Variants in B3GALT5 observed in about 807,000 individuals in gnomAD.
B3GALT5 encodes the protein UDP-Gal:betaGlcNAc beta 1,3-galactosyltransferase, polypeptide 5.
For missense variants in B3GALT5, 328 were observed against 396.6 expected (o/e 0.83, Z 1.47); for synonymous variants, 156 against 158.6 (o/e 0.98, Z 0.12).
intron 2 of B3GALT5, among the ~76,000 whole-genome samples, chr21:39,655,334 A>G (rs912545689): frequency 1.1e-4 from 17 of 152,220 alleles, no homozygotes; most frequent in African/African-American, 3.6e-4. Flanking sequence ...TGACCCAGAA[A>G]AGCTGGCACA....
At chr21:39,615,085 C>A (rs552896195) in intron 1 of B3GALT5, among the ~76,000 whole-genome samples, 5 of 152,342 alleles carry the variant, frequency 3.3e-5, no homozygotes, top group African/African-American at 1.2e-4. Flanking sequence ...CATTGCTCTT[C>A]TGTCGACCTT....
chr21:39,652,198 G>A (rs895605150), intron 2 of B3GALT5, among the ~76,000 whole-genome samples: 2 of 152,230 alleles, frequency 1.3e-5, no homozygotes, highest in Non-Finnish European at 2.9e-5. Flanking sequence ...TGACCTGGAT[G>A]TGAGTGGTGA....
rs2146219521 is a variant in B3GALT5 at position 39,660,746 on chromosome 21, G to T, written c.187G>T (p.Val63Leu). The change falls in exon 4 of 4, where the codon GTG becomes TTG. Residue 63 changes from valine to leucine, a missense_variant. By Grantham distance (32) the Val-to-Leu change is conservative. Transcript: ENST00000684187. ...RQTPPFLVLLVTSSHKQLAER... is the reference protein window; with the variant it reads ...RQTPPFLVLLLTSSHKQLAER... ...GACACCTCCCTTCCTCGTCCTGCTG[G>T]TGACCTCATCCCACAAACAGTTGGC... The T allele has an allele frequency of 6.5e-7, 1 of 1,547,878 alleles. No homozygotes were observed. The highest frequency in any genetic ancestry group is 1.3e-5 in the South Asian group (1 of 79,200).
intron 2 of B3GALT5, among the ~76,000 whole-genome samples, chr21:39,654,972 G>T (rs1378198902): frequency 6.6e-6 from 1 of 152,146 alleles, no homozygotes; most frequent in Non-Finnish European, 1.5e-5. Flanking sequence ...TTGCTTTATT[G>T]CAGTAGTCTG....
At chr21:39,654,864 T>C (rs1335704589) in intron 2 of B3GALT5, among the ~76,000 whole-genome samples, 2 of 152,228 alleles carry the variant, frequency 1.3e-5, no homozygotes, top group Non-Finnish European at 2.9e-5. Flanking sequence ...ATGTTATTTT[T>C]TAGGCATAAT....
chr21:39,612,950 T>C lies in B3GALT5; in HGVS notation c.-509T>C, dbSNP rs1371026080. Reference sequence around the variant, plus strand: ...GCGGGGAGCAAAACCATCCTCGGCCTGGACCCAGCGCCTCCGGGGACCGGC... The same window carrying C: ...GCGGGGAGCAAAACCATCCTCGGCCCGGACCCAGCGCCTCCGGGGACCGGC... On this transcript the variant is annotated 5_prime_UTR_variant, in exon 1 of 4. Coordinates refer to ENST00000684187, the MANE Select transcript of B3GALT5 (RefSeq NM_001356336.2). 1 of 151,774 alleles carries C rather than the reference T, an allele frequency of 6.6e-6. No individual in the cohort carries two copies. The highest frequency in any genetic ancestry group is 1.5e-5 in the Non-Finnish European group (1 of 67,940). The allele number at this position is 151,774 out of a possible 1,614,324, so 9.4% of individuals were successfully genotyped here.
intron 1 of B3GALT5, chr21:39,630,405 T>C (rs2079185623): frequency 2.6e-5 from 4 of 152,062 alleles, no homozygotes; most frequent in African/African-American, 9.7e-5. Flanking sequence ...GGTCTCTCAA[T>C]ACCCCCTTTG....
Position 39,660,829 on chromosome 21 carries a change from G to A in B3GALT5, c.270G>A (p.Gln90=), listed in dbSNP as rs1389648978. Residue 90 remains glutamine (Q), a synonymous_variant, in exon 4 of 4, where the codon CAG becomes CAA. Coordinates refer to ENST00000684187, the MANE Select transcript of B3GALT5 (RefSeq NM_001356336.2). The part of the protein sequence containing the change: ...WGKERMVKGK[Q]LKTFFLLGTT... ...AAGAGAGGATGGTGAAGGGAAAGCA[G>A]CTGAAGACATTCTTCCTCCTGGGGA... 1.2e-6 allele frequency: 2 copies of A among 1,606,698 alleles called. No homozygotes were observed. The highest frequency in any genetic ancestry group is 1.7e-6 in the Non-Finnish European group (2 of 1,176,446).
At position 39,643,290 on chromosome 21, in the gene B3GALT5, C is replaced by T. The variant is rs150580351; in HGVS notation, c.-391-3102C>T. ...AGCCTGGGCCGGGCACAGTGGCTCA[C>T]GCCTGTAATCCCAGCCACTTGGGAG... On this transcript the variant is annotated intron_variant, in intron 1 of 3. Transcript: ENST00000684187. 4.4e-3 allele frequency among the ~76,000 whole-genome samples: 644 copies of T among 145,856 alleles called. 5 individuals carry two copies. Among genetic ancestry groups the T allele is most frequent in the East Asian group, 0.027 (126 of 4,722 alleles).
rs574345008 is a variant in B3GALT5 at position 39,661,675 on chromosome 21, C to T, written c.*183C>T. On this transcript the variant is annotated 3_prime_UTR_variant, in exon 4 of 4. Transcript: ENST00000684187. This position sits in a 1 kb window ranked among gnomAD's most constrained non-coding sequence, Gnocchi z 4.7. ...TTGGTGCCCCAGGCAATAATAGGCC[C>T]GTCTCTTGGGCACGCACACTCTTCA... 44 of 559,146 alleles carry T rather than the reference C, an allele frequency of 7.9e-5. No individual in the cohort carries two copies. The highest frequency in any genetic ancestry group is 4.7e-4 in the African/African-American group (25 of 53,114). The allele number at this position is 559,146 out of a possible 1,614,324, so 34.6% of individuals were successfully genotyped here. A position where few individuals can be genotyped will look rare whatever the true frequency, so the allele number is the denominator to read the frequency against.
At chr21:39,624,682 A>G (rs905287181) in intron 1 of B3GALT5, among the ~76,000 whole-genome samples, 5 of 152,224 alleles carry the variant, frequency 3.3e-5, no homozygotes, top group African/African-American at 7.2e-5. Context: ...CTGCACAGCG[A>G]ACTCTCAAAG....
At chr21:39,620,650 T>C (rs2079129694) in intron 1 of B3GALT5, among the ~76,000 whole-genome samples, 3 of 152,220 alleles carry the variant, frequency 2.0e-5, no homozygotes, top group Admixed American at 1.3e-4. Flanking sequence ...CCCAGCTGTC[T>C]TTGCTCTGCT....
At chr21:39,659,010 G>A (rs1407898182) in intron 2 of B3GALT5, among the ~76,000 whole-genome samples, 1 of 152,218 alleles carries the variant, frequency 6.6e-6, no homozygotes, top group African/African-American at 2.4e-5. Flanking sequence ...GGGAGGCCAA[G>A]GCAGGGGACT....
chr21:39,653,024 A>G (rs973100704), intron 2 of B3GALT5, among the ~76,000 whole-genome samples: 11 of 152,192 alleles, frequency 7.2e-5, no homozygotes, highest in African/African-American at 1.7e-4. Context: ...GAGTTTTTAC[A>G]TATATTTCCA....
At position 39,661,535 on chromosome 21, in the gene B3GALT5, T is replaced by C. The variant is rs2079524891; in HGVS notation, c.*43T>C. The C allele has an allele frequency of 6.8e-7, 1 of 1,468,638 alleles. No individual in the cohort carries two copies. 91.0% of individuals were successfully genotyped at this position (1,468,638 alleles called of 1,614,324 possible). A position where few individuals can be genotyped will look rare whatever the true frequency, so the allele number is the denominator to read the frequency against. On this transcript the variant is annotated 3_prime_UTR_variant, in exon 4 of 4. Transcript: ENST00000684187. The surrounding 1 kb of genome is among the most constrained non-coding windows in gnomAD (Gnocchi z 4.7). Reference sequence around the variant, plus strand: ...ATCCGGACAAGTTTCAGATAACCCGTGGGGATAGTTTTTGCTAGATTTTGG... The same window carrying C: ...ATCCGGACAAGTTTCAGATAACCCGCGGGGATAGTTTTTGCTAGATTTTGG...
At chr21:39,615,990 G>A (rs1003100646) in intron 1 of B3GALT5, among the ~76,000 whole-genome samples, 1 of 152,204 alleles carries the variant, frequency 6.6e-6, no homozygotes, top group Non-Finnish European at 1.5e-5. Flanking sequence ...CCAAAAAGTT[G>A]TGAGAAGAAT....
At chr21:39,650,566 C>T (rs552797101) in intron 2 of B3GALT5, among the ~76,000 whole-genome samples, 1 of 152,236 alleles carries the variant, frequency 6.6e-6, no homozygotes, top group East Asian at 1.9e-4. Flanking sequence ...TGGGTGGGGA[C>T]GCTTGAAATT....
In B3GALT5 at chr21:39,669,421, C is replaced by T. The variant is rs1368632098; in HGVS notation, c.*7929C>T. On this transcript the variant is annotated 3_prime_UTR_variant, in exon 4 of 4. Coordinates refer to ENST00000684187, the MANE Select transcript of B3GALT5 (RefSeq NM_001356336.2). ...TCAGACATTCATTCGTTTATTTATT[C>T]ATCTGTTGAGTGCTCAGTGCTTTGA... The T allele has an allele frequency of 2.0e-5, 3 of 152,270 alleles. No homozygotes were observed. The highest frequency in any genetic ancestry group is 7.2e-5 in the African/African-American group (3 of 41,548). The allele number at this position is 152,270 out of a possible 1,614,324, so 9.4% of individuals were successfully genotyped here.
At chr21:39,641,995 T>C (rs1314048537) in intron 1 of B3GALT5, among the ~76,000 whole-genome samples, 1 of 152,350 alleles carries the variant, frequency 6.6e-6, no homozygotes, top group African/African-American at 2.4e-5. Context: ...ATTTTACATA[T>C]GAAAAGTAAA....
Sources: allele counts gnomAD v4.1 joint callset (sites outside exome capture counted in the v4.1 genomes callset), GRCh38; gene constraint gnomAD v4.1.1; non-coding constraint Gnocchi (gnomAD v3.1); transcripts MANE v1.5; gene names NCBI Gene and HGNC (gene_info 2026-07-23, HGNC 2026-07-21).